The following PAICS variants were observed in gnomAD, a reference collection of about 807,000 sequenced individuals.
PAICS encodes the protein phosphoribosylaminoimidazole carboxylase and phosphoribosylaminoimidazolesuccinocarboxamide synthase.
A neutral mutation model predicts 53.7 loss-of-function variants in PAICS; 33 were observed. That is an observed-to-expected ratio of 0.61 (90% confidence interval 0.47 to 0.82). PAICS has a LOEUF of 0.82. PAICS is among the 40% of genes least tolerant of loss of function. The probability of loss-of-function intolerance (pLI) is 0.00; values close to 1 mark genes in which losing one functional copy is unlikely to be tolerated. For missense variants in PAICS, 394 were observed against 494.1 expected, an observed-to-expected ratio of 0.80 and a Z score of 1.92; for synonymous variants, 141 against 167.2, an observed-to-expected ratio of 0.84 and a Z score of 1.21.
At chr4:56,420,081 A>G in the PAICS span, 1 of 730,692 alleles carries the variant, frequency 1.4e-6, no homozygotes, top group Non-Finnish European at 1.7e-6. Flanking sequence ...TCTTAACATC[A>G]TGTTACATCA....
the PAICS span, among the ~76,000 whole-genome samples, chr4:56,428,376 T>A: frequency 6.6e-6 from 1 of 152,132 alleles, no homozygotes; most frequent in Non-Finnish European, 1.5e-5. Flanking sequence ...AGCGAATGCT[T>A]GAAGGGGCCA....
chr4:56,435,339 CT>C, upstream of PAICS: 1 of 1,613,650 alleles, frequency 6.2e-7, no homozygotes, highest in Non-Finnish European at 8.5e-7. Flanking sequence ...CACCCCCACC[CT>C]GTTGCTCACC....
At chr4:56,418,245 A>G in the PAICS span, among the ~76,000 whole-genome samples, 1 of 152,202 alleles carries the variant, frequency 6.6e-6, no homozygotes, top group South Asian at 2.1e-4. Context: ...TCAGGCTGCA[A>G]TGAGCAGTGG....
chr4:56,458,207 A>G (rs1393543284), intron 8 of PAICS, among the ~76,000 whole-genome samples: 1 of 152,120 alleles, frequency 6.6e-6, no homozygotes, highest in African/African-American at 2.4e-5. Context: ...TTTGAGGAGT[A>G]GTTTTACAGT....
chr4:56,460,196 C>T lies in PAICS; in HGVS notation c.*658C>T, dbSNP rs1238249312. On this transcript the variant is annotated 3_prime_UTR_variant, in exon 9 of 9. Transcript: ENST00000512576. Reference sequence around the variant, plus strand: ...GCCACTGTGCCTGTCTAGACTTGTACTTTCAACTGTCCATTTCTCCCTGTC... The same window carrying T: ...GCCACTGTGCCTGTCTAGACTTGTATTTTCAACTGTCCATTTCTCCCTGTC... The T allele has an allele frequency of 6.6e-6, 1 of 152,208 alleles. No homozygotes were observed. The allele number at this position is 152,208 out of a possible 1,614,324, so 9.4% of individuals were successfully genotyped here.
chr4:56,446,556 TTAAA>T, intron 2 of PAICS, 135 bp from the exon 3 acceptor site: 4 of 631,948 alleles, frequency 6.3e-6, no homozygotes, highest in Middle Eastern at 5.8e-4. Flanking sequence ...CGCATCTACA[TTAAA>T]TAAAGAGAAA....
upstream of PAICS, chr4:56,436,033 T>A: frequency 6.6e-7 from 1 of 1,522,096 alleles, no homozygotes; most frequent in South Asian, 1.2e-5. Flanking sequence ...TTTTCGCCTG[T>A]CCGGGCACTG....
chr4:56,449,318 T>TA (rs944423722), intron 5 of PAICS, among the ~76,000 whole-genome samples: 5 of 152,176 alleles, frequency 3.3e-5, no homozygotes, highest in African/African-American at 1.2e-4. Flanking sequence ...CACAATGAGA[T>TA]ACCATCTCAC....
the PAICS span, among the ~76,000 whole-genome samples, chr4:56,413,911 T>A: frequency 3.2e-3 from 481 of 152,138 alleles, 4 homozygotes; most frequent in African/African-American, 0.011. Flanking sequence ...ATAAATAAAT[T>A]AAATAAATAA....
chr4:56,456,034 CTTG>C (rs143061331), intron 8 of PAICS, among the ~76,000 whole-genome samples: 1,748 of 152,202 alleles, frequency 0.011, 30 homozygotes, highest in African/African-American at 0.038. Context: ...ACTTGTTTGT[CTTG>C]TTGGTATACT....
At chr4:56,437,027 G>A (rs956006089) in intron 1 of PAICS, among the ~76,000 whole-genome samples, 1 of 152,144 alleles carries the variant, frequency 6.6e-6, no homozygotes, top group East Asian at 1.9e-4. Flanking sequence ...TGTCTAGGGG[G>A]CGTGTGTGTA....
upstream of PAICS, chr4:56,436,096 G>A (rs1384083421): frequency 5.4e-6 from 8 of 1,478,848 alleles, no homozygotes; most frequent in East Asian, 9.9e-5. Context: ...CCTGCGCGGC[G>A]GGAAGCCAGT....
the PAICS span, among the ~76,000 whole-genome samples, chr4:56,417,850 T>G: frequency 7.4e-3 from 984 of 133,074 alleles, 15 homozygotes; most frequent in African/African-American, 0.025. Context: ...TTGTTTTTTT[T>G]TTTTTTTTTG....
At chr4:56,424,879 A>G in the PAICS span, among the ~76,000 whole-genome samples, 1 of 152,218 alleles carries the variant, frequency 6.6e-6, no homozygotes, top group African/African-American at 2.4e-5. Context: ...GGTATAGGAC[A>G]GTCACAGTTA....
In PAICS at chr4:56,448,542, T is replaced by C. The variant is rs762387719; in HGVS notation, c.518T>C (p.Phe173Ser). ...ATGAGTCATGCTACACAGGCTATAT[T>C]TGAAATACTGGAGAAATCCTGGTTG... The part of the protein sequence containing the change: ...DIMSHATQAI[F>S]EILEKSWLPQ... The change falls in exon 4 of 9, where the codon TTT becomes TCT. Residue 173 changes from phenylalanine (F) to serine (S), a missense_variant. Transcript: ENST00000512576. 12 of 1,610,652 alleles carry C rather than the reference T, an allele frequency of 7.5e-6. No homozygotes were observed. The highest frequency in any genetic ancestry group is 2.2e-5 in the East Asian group (1 of 44,798).
chr4:56,437,056 G>T (rs1261457504), intron 1 of PAICS, among the ~76,000 whole-genome samples: 4 of 150,768 alleles, frequency 2.7e-5, no homozygotes, highest in Non-Finnish European at 5.9e-5. Context: ...TTGATGCCAT[G>T]GTGTGTGTGT....
intron 1 of PAICS, among the ~76,000 whole-genome samples, chr4:56,436,913 G>T (rs1220355476): frequency 6.6e-6 from 1 of 152,142 alleles, no homozygotes; most frequent in Non-Finnish European, 1.5e-5. Context: ...TAGGAGAATC[G>T]CTTGAACCCG....
At chr4:56,456,391 C>G (rs959938159) in intron 8 of PAICS, among the ~76,000 whole-genome samples, 1 of 152,128 alleles carries the variant, frequency 6.6e-6, no homozygotes, top group Non-Finnish European at 1.5e-5. Context: ...TGTGCCCGGC[C>G]TTCATTTTGG....
upstream of PAICS, chr4:56,435,687 G>C: frequency 1.4e-5 from 21 of 1,453,314 alleles, no homozygotes; most frequent in Non-Finnish European, 1.9e-5. Context: ...GTCCACCAAC[G>C]AGCGAGGGCG....
Sources: gnomAD v4.1 joint callset for allele counts (sites outside exome capture counted in the v4.1 genomes callset) on GRCh38, gnomAD v4.1.1 for gene constraint, MANE v1.5 for transcripts, NCBI Gene and HGNC (gene_info 2026-07-23, HGNC 2026-07-21) for gene names.